The following CENPL variants were observed in gnomAD, a reference collection of about 807,000 sequenced individuals.
The protein encoded by CENPL is interphase centromere complex protein 33.
Under a neutral mutation model 35.2 loss-of-function variants are expected in CENPL, and 20 were observed. That is an observed-to-expected ratio of 0.57 (90% CI 0.40 to 0.83). CENPL has a LOEUF of 0.83. Among genes scored for constraint, CENPL ranks in the 40% least tolerant of loss-of-function variants. The probability of loss-of-function intolerance (pLI) is 0.00; values close to 1 mark genes in which losing one functional copy is unlikely to be tolerated. For missense variants in CENPL, 363 were observed against 395.8 expected (o/e 0.92, Z 0.70); for synonymous variants, 140 against 140.6 (o/e 1.00, Z 0.03).
chr1:173,815,505 G>A (rs970222548), intron 2 of CENPL, among the ~76,000 whole-genome samples: 9 of 152,054 alleles, frequency 5.9e-5, no homozygotes, highest in East Asian at 5.8e-4. Context: ...AGTCAGCTTC[G>A]TTCCTAGGAT....
chr1:173,807,219 G>A (rs746947543), intron 4 of CENPL, 48 bp downstream of exon 4: 2 of 1,442,514 alleles, frequency 1.4e-6, no homozygotes. Flanking sequence ...AGTCAAACAA[G>A]ACATAATACT....
chr1:173,808,127 G>T (rs1359742012), intron 3 of CENPL, among the ~76,000 whole-genome samples: 1 of 152,062 alleles, frequency 6.6e-6, no homozygotes, highest in Non-Finnish European at 1.5e-5. Context: ...AATTGTTTGG[G>T]CCAGGCACAG....
At chr1:173,808,968 G>C (rs1247685696) in intron 3 of CENPL, among the ~76,000 whole-genome samples, 1 of 152,112 alleles carries the variant, frequency 6.6e-6, no homozygotes, top group Non-Finnish European at 1.5e-5. Context: ...CAGAATGGGA[G>C]AAAATTTTTG....
intron 2 of CENPL, among the ~76,000 whole-genome samples, chr1:173,814,065 C>T (rs1314186258): frequency 1.3e-5 from 2 of 151,978 alleles, no homozygotes; most frequent in Non-Finnish European, 2.9e-5. Context: ...CAACAAAGAT[C>T]AAAAGAGATA....
intron 2 of CENPL, among the ~76,000 whole-genome samples, chr1:173,816,902 T>C (rs908709307): frequency 6.6e-5 from 10 of 152,084 alleles, no homozygotes; most frequent in African/African-American, 2.4e-4. Context: ...CACTTTGGGA[T>C]GCTGAGGCGG....
intron 2 of CENPL, among the ~76,000 whole-genome samples, chr1:173,816,524 A>C (rs1248341121): frequency 6.6e-6 from 1 of 152,172 alleles, no homozygotes; most frequent in African/African-American, 2.4e-5. Context: ...CTCAGAAATA[A>C]CACCACACAT....
chr1:173,812,799 G>C (rs942610619), intron 2 of CENPL, among the ~76,000 whole-genome samples: 18 of 152,144 alleles, frequency 1.2e-4, no homozygotes, highest in African/African-American at 4.3e-4. Flanking sequence ...GCCAGCAACG[G>C]AACAAAGCTG....
intron 2 of CENPL, among the ~76,000 whole-genome samples, chr1:173,815,316 A>C (rs544804906): frequency 6.6e-6 from 1 of 152,296 alleles, no homozygotes; most frequent in Non-Finnish European, 1.5e-5. Flanking sequence ...AAAAGAGAGA[A>C]TCCTCCCTAA....
chr1:173,824,861 A>C lies in CENPL; in HGVS notation c.-751T>G, dbSNP rs1196580896. On this transcript the variant is annotated 5_prime_UTR_variant, in exon 1 of 6. Coordinates refer to ENST00000682279, the MANE Select transcript of CENPL (RefSeq NM_001387287.1). ...GCCTCTCGAGAAGCGTGGAAAGAGGAGAAGGGCGTATACCTTGTGACCGCC... is the reference window on the plus strand; with the variant it reads ...GCCTCTCGAGAAGCGTGGAAAGAGGCGAAGGGCGTATACCTTGTGACCGCC... 3.9e-6 allele frequency: 1 copy of C among 254,348 alleles called. No individual in the cohort carries two copies. The highest frequency in any genetic ancestry group is 2.3e-5 in the African/African-American group (1 of 44,420). 15.8% of individuals were successfully genotyped at this position (254,348 alleles called of 1,614,324 possible).
At position 173,824,008 on chromosome 1, in the gene CENPL, G is replaced by C. The variant is rs1483101381; in HGVS notation, c.-90C>G. 2 of 150,044 alleles carry C rather than the reference G, an allele frequency of 1.3e-5. No homozygotes were observed. The highest frequency in any genetic ancestry group is 4.0e-4 in the East Asian group (2 of 5,002). 9.3% of individuals were successfully genotyped at this position (150,044 alleles called of 1,614,324 possible). On this transcript the variant is annotated 5_prime_UTR_variant, in exon 2 of 6. Coordinates refer to ENST00000682279, the MANE Select transcript of CENPL (RefSeq NM_001387287.1). ...AAGTCCGGCTCCAAAACTATGTGGA[G>C]ACTGAAATCCCCTGAAGAAAAAAAA...
rs185065424 is a variant in CENPL at position 173,812,384 on chromosome 1, C to T, written c.-7-1078G>A. On this transcript the variant is annotated intron_variant, in intron 2 of 5. Transcript: ENST00000682279. ...CCTCCTCAAGTGGGTCCCTGACCCC[C>T]GTGTAGCCTAATTGGGAGACACCTC... 3.6e-3 allele frequency among the ~76,000 whole-genome samples: 548 copies of T among 152,338 alleles called. 3 individuals carry two copies. The highest frequency in any genetic ancestry group is 5.5e-3 in the Non-Finnish European group (375 of 68,030).
chr1:173,806,403 T>C (rs1401528189), intron 4 of CENPL: 7 of 432,438 alleles, frequency 1.6e-5, no homozygotes, highest in Non-Finnish European at 2.8e-5. Flanking sequence ...CTGGGCAACA[T>C]GGCGAGACCC....
chr1:173,814,223 CAAT>C (rs1651132796), intron 2 of CENPL, among the ~76,000 whole-genome samples: 1 of 152,106 alleles, frequency 6.6e-6, no homozygotes, highest in Admixed American at 6.5e-5. Context: ...GACTCCCACA[CAAT>C]AATAATGGGA....
At position 173,799,887 on chromosome 1, in the gene CENPL, A is replaced by G. The variant is rs1056145613; in HGVS notation, c.*561T>C. ...ATTTCTTTTTTATTTTTTGAGGCAG[A>G]GTCTCACTTTGTTGCCCAGGCTGGA... On this transcript the variant is annotated 3_prime_UTR_variant, in exon 6 of 6. Coordinates refer to ENST00000682279, the MANE Select transcript of CENPL (RefSeq NM_001387287.1). 1 of 152,272 alleles carries G rather than the reference A, an allele frequency of 6.6e-6. No individual in the cohort carries two copies. Among genetic ancestry groups the G allele is most frequent in the African/African-American group, 2.4e-5 (1 of 41,472 alleles). The allele number at this position is 152,272 out of a possible 1,614,324, so 9.4% of individuals were successfully genotyped here.
In CENPL at chr1:173,803,085, C is replaced by T. The variant is rs763961090; in HGVS notation, c.841G>A (p.Asp281Asn). Residue 281 changes from aspartate to asparagine, a missense_variant, in exon 5 of 6, where the codon GAC (aspartate) becomes AAC (asparagine). Coordinates refer to ENST00000682279, the MANE Select transcript of CENPL (RefSeq NM_001387287.1). The stretch of plus-strand genomic sequence containing the variant: ...GAATAAAGGCAATCCATGAATAGGT[C>T]AACTTCTTCCTGGGTAACCTCCCCA... Reference protein sequence around the residue: ...TPGEVTQEEVDLFMDCLYSHF... With the variant: ...TPGEVTQEEVNLFMDCLYSHF... The T allele has an allele frequency of 4.6e-5, 75 of 1,613,778 alleles. No homozygotes were observed. The highest frequency in any genetic ancestry group is 5.8e-5 in the Non-Finnish European group (69 of 1,179,810).
rs569282192 is a variant in CENPL, at chr1:173,824,215, G to C, written c.-105C>G. The C allele has an allele frequency of 6.6e-6, 1 of 152,390 alleles. No individual in the cohort carries two copies. The highest frequency in any genetic ancestry group is 1.9e-4 in the East Asian group (1 of 5,178). The allele number at this position is 152,390 out of a possible 1,614,324, so 9.4% of individuals were successfully genotyped here. On this transcript the variant is annotated 5_prime_UTR_variant, in exon 1 of 6. Coordinates refer to ENST00000682279, the MANE Select transcript of CENPL (RefSeq NM_001387287.1). ...TGGGAGGGACATTTCCGCTCACCCA[G>C]CTCTGCGACCCTCGCTCCTGCGGAG...
At chr1:173,811,824 G>A (rs926142637) in intron 2 of CENPL, among the ~76,000 whole-genome samples, 2 of 152,238 alleles carry the variant, frequency 1.3e-5, no homozygotes, top group Admixed American at 6.5e-5. Flanking sequence ...TGGACAGTGG[G>A]TGCAGCCCAT....
At chr1:173,811,821 T>C (rs9425746) in intron 2 of CENPL, among the ~76,000 whole-genome samples, 13,847 of 152,262 alleles carry the variant, frequency 0.091, 2,036 homozygotes, top group African/African-American at 0.31. Context: ...GGCTGGACAG[T>C]GGGTGCAGCC....
At chr1:173,813,260 T>C (rs1404703763) in intron 2 of CENPL, among the ~76,000 whole-genome samples, 1 of 152,166 alleles carries the variant, frequency 6.6e-6, no homozygotes, top group African/African-American at 2.4e-5. Flanking sequence ...TGCAGGATAT[T>C]ATCCAGGAGA....
Sources: gnomAD v4.1 joint callset for allele counts (sites outside exome capture counted in the v4.1 genomes callset) on GRCh38, gnomAD v4.1.1 for gene constraint, MANE v1.5 for transcripts, NCBI Gene and HGNC (gene_info 2026-07-23, HGNC 2026-07-21) for gene names.